GABRA3: variants seen among roughly 807,000 people sequenced by gnomAD.
The protein encoded by GABRA3 is gamma-aminobutyric acid receptor subunit alpha-3.
In GABRA3, 10 loss-of-function variants were observed where a neutral mutation model predicts 30.1. The ratio of observed to expected loss-of-function variants is 0.33; its 90% CI spans 0.20 to 0.56. The LOEUF is 0.56. Ranked by LOEUF, GABRA3 falls within the 20% of genes least tolerant of loss-of-function variation. The probability of loss-of-function intolerance (pLI) is 0.89; values close to 1 mark genes in which losing one functional copy is unlikely to be tolerated. For missense variants in GABRA3, 233 were observed against 392.0 expected (o/e 0.59, Z 3.42); for synonymous variants, 151 against 146.8 (o/e 1.03, Z -0.21).
chrX:152,365,545 T>C (rs1928633267), intron 1 of GABRA3, among the ~76,000 whole-genome samples: 1 of 111,792 alleles, frequency 8.9e-6, no homozygotes, highest in African/African-American at 3.3e-5. Context: ...GTGTGGCTTC[T>C]TTGATTATGA....
intron 1 of GABRA3, among the ~76,000 whole-genome samples, chrX:152,375,440 G>GTTATTC (rs1928970040): frequency 8.9e-6 from 1 of 111,988 alleles, no homozygotes; most frequent in Non-Finnish European, 1.9e-5. Flanking sequence ...ACCTTATTCT[G>GTTATTC]TTATTCTTCT....
At chrX:152,181,330 A>AG (rs755944142) in intron 9 of GABRA3, among the ~76,000 whole-genome samples, 1 of 111,538 alleles carries the variant, frequency 9.0e-6, no homozygotes, top group Admixed American at 9.6e-5. Flanking sequence ...TTTCTTTTCC[A>AG]GATAGTTCAT....
intron 3 of GABRA3, among the ~76,000 whole-genome samples, chrX:152,285,117 C>G (rs1275155516): frequency 9.0e-6 from 1 of 111,728 alleles, no homozygotes; most frequent in East Asian, 2.8e-4. Flanking sequence ...ACTCCCCTGC[C>G]TTTTTAAAAT....
At chrX:152,406,571 AATATATATAT>A (rs61577907) in intron 1 of GABRA3, among the ~76,000 whole-genome samples, 1 of 95,585 alleles carries the variant, frequency 1.0e-5, no homozygotes, top group African/African-American at 3.8e-5. Context: ...CTAACACTGG[AATATATATAT>A]ATATATATAT....
intron 1 of GABRA3, among the ~76,000 whole-genome samples, chrX:152,421,975 T>C (rs1208758559): frequency 1.8e-5 from 2 of 111,471 alleles, no homozygotes; most frequent in African/African-American, 3.3e-5. Flanking sequence ...ACAAAAACTT[T>C]GGAAACTTCT....
At chrX:152,380,188 A>C (rs1427459360) in intron 1 of GABRA3, among the ~76,000 whole-genome samples, 1 of 111,616 alleles carries the variant, frequency 9.0e-6, no homozygotes. Context: ...GCTGTGCAAT[A>C]GATCTCAAAA....
At chrX:152,392,958 A>AAG (rs1298340777) in intron 1 of GABRA3, among the ~76,000 whole-genome samples, 2 of 111,631 alleles carry the variant, frequency 1.8e-5, no homozygotes, top group Non-Finnish European at 3.8e-5. Context: ...GATATGTCAA[A>AAG]AGAGACCTGA....
intron 6 of GABRA3, among the ~76,000 whole-genome samples, chrX:152,211,828 A>T (rs950875099): frequency 8.9e-6 from 1 of 111,835 alleles, no homozygotes; most frequent in African/African-American, 3.3e-5. Context: ...AAAGTAAATG[A>T]TACTCAGAAG....
intron 1 of GABRA3, among the ~76,000 whole-genome samples, chrX:152,417,211 C>T (rs1283089791): frequency 1.0e-4 from 10 of 97,672 alleles, no homozygotes; most frequent in Admixed American, 4.6e-4. Flanking sequence ...AAAAAGTGGG[C>T]GAAGGACATG....
chrX:152,450,340 C>T (rs1931191167), intron 1 of GABRA3, among the ~76,000 whole-genome samples: 1 of 108,208 alleles, frequency 9.2e-6, no homozygotes, highest in East Asian at 2.9e-4. Context: ...GTGTTTCCTC[C>T]CTTCCAAGGA....
intron 7 of GABRA3, among the ~76,000 whole-genome samples, chrX:152,199,263 G>C (rs992160021): frequency 2.8e-5 from 3 of 105,555 alleles, no homozygotes; most frequent in Non-Finnish European, 6.0e-5. Flanking sequence ...ATACTAGGGA[G>C]GCTGAGGCAG....
intron 3 of GABRA3, among the ~76,000 whole-genome samples, chrX:152,333,621 T>G (rs1375116268): frequency 8.9e-6 from 1 of 111,916 alleles, no homozygotes; most frequent in Non-Finnish European, 1.9e-5. Context: ...TATTTTATCC[T>G]TCTTTTGCCC....
chrX:152,225,099 A>C (rs1937914441), intron 5 of GABRA3, among the ~76,000 whole-genome samples: 1 of 108,020 alleles, frequency 9.3e-6, no homozygotes, highest in Non-Finnish European at 1.9e-5. Context: ...AACAGATATA[A>C]CTTTTCTGCC....
In GABRA3 at chrX:152,167,496, C is replaced by T. The variant is rs1218668679; in HGVS notation, c.*732G>A. 8.9e-6 allele frequency: 1 copy of T among 111,762 alleles called. No homozygotes were observed. The highest frequency in any genetic ancestry group is 1.9e-5 in the Non-Finnish European group (1 of 53,184). The allele number at this position is 111,762 out of a possible 1,213,427, so 9.2% of individuals were successfully genotyped here. A position where few individuals can be genotyped will look rare whatever the true frequency, so the allele number is the denominator to read the frequency against. ...AGTGCTCAGTTGGCTACAAGGGTGC[C>T]AAAGGCAGTGGGGGAAGAAGATTTT... is the stretch of plus-strand genomic sequence containing the variant. On this transcript the variant is annotated 3_prime_UTR_variant, in exon 10 of 10. Coordinates refer to ENST00000370314, the MANE Select transcript of GABRA3 (RefSeq NM_000808.4).
chrX:152,326,952 G>C (rs1391723352), intron 3 of GABRA3, among the ~76,000 whole-genome samples: 1 of 109,538 alleles, frequency 9.1e-6, no homozygotes, highest in Non-Finnish European at 1.9e-5. Context: ...CTGTATTCAG[G>C]AGACCCATTT....
At chrX:152,224,220 A>T (rs139763399) in intron 6 of GABRA3, among the ~76,000 whole-genome samples, 2,712 of 112,140 alleles carry the variant, frequency 0.024, 44 homozygotes, top group Middle Eastern at 0.069. Context: ...TTTCTAATTC[A>T]TTTGAAAATG....
chrX:152,226,254 A>G (rs1443465864), intron 5 of GABRA3, among the ~76,000 whole-genome samples: 2 of 111,707 alleles, frequency 1.8e-5, no homozygotes, highest in African/African-American at 6.5e-5. Context: ...AGAGTGAGAT[A>G]CCAGGAGATA....
At chrX:152,329,634 G>A (rs778836378) in intron 3 of GABRA3, among the ~76,000 whole-genome samples, 1 of 111,825 alleles carries the variant, frequency 8.9e-6, no homozygotes, top group East Asian at 2.8e-4. Flanking sequence ...TGGGAAAACT[G>A]GCTAGCAATA....
Position 152,277,679 on chromosome X carries a change from C to T in GABRA3, c.330+6989G>A, listed in dbSNP as rs755733033. 2.6e-4 allele frequency among the ~76,000 whole-genome samples: 29 copies of T among 112,029 alleles called. No individual in the cohort carries two copies. The East Asian group carries it at 8.1e-3, about 31-fold the overall frequency. On this transcript the variant is annotated intron_variant, in intron 4 of 9. Transcript: ENST00000370314. Reference sequence around the variant, plus strand: ...TTGTATACGCTCCAAGGATGACTGCCTAGAAATTGACAAATGAATTCTGTT... The same window carrying T: ...TTGTATACGCTCCAAGGATGACTGCTTAGAAATTGACAAATGAATTCTGTT...
Sources: gnomAD v4.1 joint callset for allele counts (sites outside exome capture counted in the v4.1 genomes callset) on GRCh38, gnomAD v4.1.1 for gene constraint, MANE v1.5 for transcripts, NCBI Gene and HGNC (gene_info 2026-07-23, HGNC 2026-07-21) for gene names.